Variants in NKAIN3 observed in about 807,000 individuals in gnomAD.
NKAIN3 encodes the protein sodium/potassium-transporting ATPase subunit beta-1-interacting protein 3.
NKAIN3 carries 25 observed loss-of-function variants against 30.2 expected under a neutral mutation model. The ratio of observed to expected loss-of-function variants is 0.83; its 90% confidence interval spans 0.60 to 1.16. The LOEUF (loss-of-function observed/expected upper bound fraction) is 1.16. NKAIN3 is among the 50% of genes most tolerant of loss of function. The pLI, the probability that NKAIN3 is intolerant of heterozygous loss-of-function variation, is 0.00. For missense variants in NKAIN3, 225 were observed against 254.1 expected (o/e 0.89, Z 0.78); for synonymous variants, 91 against 89.6 (o/e 1.02, Z -0.09).
intron 1 of NKAIN3, among the ~76,000 whole-genome samples, chr8:62,335,749 A>C (rs766699377): frequency 3.9e-5 from 6 of 152,070 alleles, no homozygotes; most frequent in African/African-American, 1.2e-4. Flanking sequence ...TGTTTCCTGG[A>C]AACTATTGCC....
intron 4 of NKAIN3, among the ~76,000 whole-genome samples, chr8:62,832,086 AACCAAGAATTTTATATCTC>A (rs1303384297): frequency 6.6e-6 from 1 of 152,180 alleles, no homozygotes; most frequent in Non-Finnish European, 1.5e-5. Context: ...GAGAAATTCC[AACCAAGAATTTTATATCTC>A]ACCAAATTAA....
chr8:62,794,011 C>T (rs911701609), intron 4 of NKAIN3, among the ~76,000 whole-genome samples: 1 of 152,170 alleles, frequency 6.6e-6, no homozygotes, highest in Non-Finnish European at 1.5e-5. Flanking sequence ...TACCTACTCA[C>T]ATTGGATGTG....
intron 1 of NKAIN3, among the ~76,000 whole-genome samples, chr8:62,336,720 T>A (rs146805822): frequency 6.6e-6 from 1 of 151,942 alleles, no homozygotes; most frequent in African/African-American, 2.4e-5. Flanking sequence ...TATTATACCT[T>A]ATGACTTTTG....
intron 1 of NKAIN3, among the ~76,000 whole-genome samples, chr8:62,338,850 G>A (rs1815649260): frequency 6.6e-6 from 1 of 151,924 alleles, no homozygotes; most frequent in Non-Finnish European, 1.5e-5. Flanking sequence ...TGACTAGATG[G>A]TGCTCAGCCA....
intron 1 of NKAIN3, among the ~76,000 whole-genome samples, chr8:62,499,944 G>A (rs1383684370): frequency 6.6e-6 from 1 of 151,008 alleles, no homozygotes. Context: ...GTCTGGTCAT[G>A]GTTGAAGCAA....
At chr8:62,618,892 T>A (rs1327108266) in intron 3 of NKAIN3, among the ~76,000 whole-genome samples, 1 of 150,608 alleles carries the variant, frequency 6.6e-6, no homozygotes, top group Non-Finnish European at 1.5e-5. Context: ...GGCGACAGAG[T>A]GAGACTCCAT....
At chr8:62,723,248 T>C (rs1266333086) in intron 3 of NKAIN3, among the ~76,000 whole-genome samples, 1 of 152,142 alleles carries the variant, frequency 6.6e-6, no homozygotes, top group African/African-American at 2.4e-5. Flanking sequence ...AGAAATCTTT[T>C]TCTACCTAAG....
chr8:62,403,475 CT>C (rs1305579939), intron 1 of NKAIN3, among the ~76,000 whole-genome samples: 1 of 152,182 alleles, frequency 6.6e-6, no homozygotes, highest in African/African-American at 2.4e-5. Context: ...GGCTCCCCTG[CT>C]GTTTAACCTC....
intron 4 of NKAIN3, among the ~76,000 whole-genome samples, chr8:62,900,750 A>G (rs1015990330): frequency 3.3e-5 from 5 of 152,194 alleles, no homozygotes; most frequent in African/African-American, 1.2e-4. Context: ...CAGATTACAA[A>G]CTGAGGCTCA....
intron 1 of NKAIN3, among the ~76,000 whole-genome samples, chr8:62,317,335 A>C (rs1216276842): frequency 1.3e-5 from 2 of 152,216 alleles, no homozygotes; most frequent in Non-Finnish European, 2.9e-5. Context: ...TGTTTTAGAC[A>C]TGAAGTCCTT....
intron 1 of NKAIN3, chr8:62,383,451 C>G: frequency 2.2e-6 from 1 of 453,464 alleles, no homozygotes; most frequent in Non-Finnish European, 4.4e-6. Context: ...AATAAATGCT[C>G]TTTGTGGCTT....
rs878953236 is a variant in NKAIN3 at position 62,976,940 on chromosome 8, G to C, written c.*11533G>C. On this transcript the variant is annotated 3_prime_UTR_variant, in exon 7 of 7. Transcript: ENST00000623646. ...AGGATTTTATTTCTCCTTCACTTGTGAAGCTCAGTTTGGCTGGATATGAAA... is the reference window on the plus strand; with the variant it reads ...AGGATTTTATTTCTCCTTCACTTGTCAAGCTCAGTTTGGCTGGATATGAAA... Among the ~76,000 whole-genome samples, 4 of 152,182 alleles carry C rather than the reference G, an allele frequency of 2.6e-5. No individual in the cohort carries two copies. The highest frequency in any genetic ancestry group is 5.9e-5 in the Non-Finnish European group (4 of 68,030).
At chr8:62,605,461 C>T (rs951497204) in intron 3 of NKAIN3, among the ~76,000 whole-genome samples, 12 of 151,684 alleles carry the variant, frequency 7.9e-5, no homozygotes, top group African/African-American at 2.4e-4. Context: ...AGTATTTACT[C>T]GGTTCAAAGC....
chr8:62,312,612 G>A (rs1013478271), intron 1 of NKAIN3, among the ~76,000 whole-genome samples: 2 of 142,746 alleles, frequency 1.4e-5, no homozygotes, highest in Non-Finnish European at 2.9e-5. Context: ...GAGCCCAGGA[G>A]TTTGAGACCA....
intron 1 of NKAIN3, among the ~76,000 whole-genome samples, chr8:62,438,566 A>G (rs1433388973): frequency 6.6e-6 from 1 of 150,456 alleles, no homozygotes; most frequent in African/African-American, 2.4e-5. Flanking sequence ...AATAGCCACT[A>G]TTTTTTTTTC....
chr8:62,249,118 G>A lies in NKAIN3; in HGVS notation c.45G>A (p.Ala15=). The change falls in exon 1 of 7, where the codon GCG becomes GCA. Residue 15 remains alanine, a synonymous_variant. Coordinates refer to ENST00000623646, the MANE Select transcript of NKAIN3 (RefSeq NM_001304533.3). The part of the protein sequence containing the change: ...TGRCSLICLC[A]LQLVSALERQ... ...GCTGCTCGCTCATCTGCCTCTGCGC[G>A]CTGCAGTTGGTGAGTGCCCCGAGGG... is the stretch of plus-strand genomic sequence containing the variant. 5 of 1,537,302 alleles carry A rather than the reference G, an allele frequency of 3.3e-6. No homozygotes were observed. Among genetic ancestry groups the A allele is most frequent in the African/African-American group, 1.4e-5 (1 of 71,458 alleles).
At chr8:62,312,750 A>T (rs1191647321) in intron 1 of NKAIN3, among the ~76,000 whole-genome samples, 1 of 151,540 alleles carries the variant, frequency 6.6e-6, no homozygotes, top group East Asian at 1.9e-4. Flanking sequence ...CTGGGGAGAT[A>T]GAGGCTCTAG....
chr8:62,705,710 A>G (rs1335027123), intron 3 of NKAIN3, among the ~76,000 whole-genome samples: 1 of 151,896 alleles, frequency 6.6e-6, no homozygotes, highest in Non-Finnish European at 1.5e-5. Flanking sequence ...TAATCTTTCT[A>G]TTGAATTTTT....
chr8:62,774,953 G>T (rs1433745700), intron 4 of NKAIN3, among the ~76,000 whole-genome samples: 1 of 152,032 alleles, frequency 6.6e-6, no homozygotes, highest in Non-Finnish European at 1.5e-5. Context: ...CTCCTGTATT[G>T]TTCAGAATAG....
Sources: allele counts gnomAD v4.1 joint callset (sites outside exome capture counted in the v4.1 genomes callset), GRCh38; gene constraint gnomAD v4.1.1; transcripts MANE v1.5; gene names NCBI Gene and HGNC (gene_info 2026-07-23, HGNC 2026-07-21).